The following CPAMD8 variants were observed in gnomAD, a reference collection of about 807,000 sequenced individuals.
CPAMD8 encodes C3 and PZP-like alpha-2-macroglobulin domain-containing protein 8.
CPAMD8 carries 146 observed loss-of-function variants against 224.7 expected under a neutral mutation model. The observed-to-expected ratio is 0.65, with a 90% confidence interval of 0.57 to 0.75. The LOEUF is 0.75. Ranked by LOEUF, CPAMD8 falls within the 30% of genes least tolerant of loss-of-function variation. CPAMD8 has a pLI of 0.00. For missense variants in CPAMD8, 2,301 were observed against 2,537.5 expected (o/e 0.91, Z 2.00); for synonymous variants, 966 against 1,044.6 (o/e 0.92, Z 1.45).
intron 25 of CPAMD8, among the ~76,000 whole-genome samples, chr19:16,925,777 G>A (rs1193032086): frequency 6.7e-6 from 1 of 148,552 alleles, no homozygotes; most frequent in Non-Finnish European, 1.5e-5. Flanking sequence ...TTTTTGAGAT[G>A]GAGTCTCACT....
intron 7 of CPAMD8, among the ~76,000 whole-genome samples, chr19:17,007,709 G>A (rs1048710913): frequency 6.6e-6 from 1 of 152,208 alleles, no homozygotes; most frequent in Non-Finnish European, 1.5e-5. Flanking sequence ...CCTCTCCTGG[G>A]GCATCACACC....
chr19:16,973,431 C>A (rs1389972835), intron 17 of CPAMD8, among the ~76,000 whole-genome samples: 1 of 151,782 alleles, frequency 6.6e-6, no homozygotes, highest in Non-Finnish European at 1.5e-5. Flanking sequence ...ATCACTGTAA[C>A]CTCCGCCTCC....
intron 9 of CPAMD8, 47 bp downstream of exon 9, chr19:17,002,219 A>G (rs1182541103): frequency 8.0e-7 from 1 of 1,249,710 alleles, no homozygotes; most frequent in Admixed American, 2.0e-5. Context: ...ATGGTTGGGG[A>G]AGGGGAAGGG....
At chr19:16,909,886 C>T (rs2052659697) in intron 29 of CPAMD8, among the ~76,000 whole-genome samples, 1 of 152,120 alleles carries the variant, frequency 6.6e-6, no homozygotes, top group Admixed American at 6.5e-5. Flanking sequence ...CAATCTCATA[C>T]TGTCACCCAG....
At chr19:16,923,492 C>T (rs2053249601) in intron 26 of CPAMD8, among the ~76,000 whole-genome samples, 1 of 151,992 alleles carries the variant, frequency 6.6e-6, no homozygotes, top group Non-Finnish European at 1.5e-5. Context: ...GGACCGGTGA[C>T]CAAAGAAATT....
chr19:17,006,753 G>A (rs1326703290), intron 7 of CPAMD8, among the ~76,000 whole-genome samples: 1 of 152,048 alleles, frequency 6.6e-6, no homozygotes, highest in Non-Finnish European at 1.5e-5. Context: ...CTTCTTTGTT[G>A]CTGAAAAGGA....
At chr19:16,918,274 C>T (rs1045839039) in intron 27 of CPAMD8, among the ~76,000 whole-genome samples, 7 of 152,134 alleles carry the variant, frequency 4.6e-5, no homozygotes, top group Non-Finnish European at 8.8e-5. Context: ...GGATTCCAAG[C>T]GTGAGCCACA....
At chr19:17,007,997 C>T (rs1243286996) in intron 7 of CPAMD8, among the ~76,000 whole-genome samples, 3 of 152,104 alleles carry the variant, frequency 2.0e-5, no homozygotes, top group African/African-American at 7.2e-5. Context: ...GGTGAAACCC[C>T]ATCTCTACTA....
intron 3 of CPAMD8, among the ~76,000 whole-genome samples, chr19:17,019,466 T>G (rs1186017230): frequency 6.6e-6 from 1 of 152,154 alleles, no homozygotes; most frequent in Non-Finnish European, 1.5e-5. Context: ...AGAAAATGTA[T>G]GTGCATGAAC....
rs776955939 is a variant in CPAMD8 at position 17,004,299 on chromosome 19, T to A, written c.647A>T (p.Asn216Ile). ...ATACTTCTGAACTTCAAAAGACTTG[T>A]TGTACGCGTGGCCTTGCATTTCAAC... ...IFVEMQGHAY[N>I]KSFEVQKYVL... The change falls in exon 8 of 42, where the codon AAC (asparagine) becomes ATC (isoleucine). Residue 216 changes from asparagine to isoleucine, a missense_variant. Asn to Ile is a moderately radical substitution (Grantham distance 149). Transcript: ENST00000443236. 5.0e-6 allele frequency: 8 copies of A among 1,610,378 alleles called. No individual in the cohort carries two copies. The highest frequency in any genetic ancestry group is 6.8e-6 in the Non-Finnish European group (8 of 1,176,666).
In CPAMD8 at chr19:16,902,628, C is replaced by T. The variant is rs200936834; in HGVS notation, c.4685+21G>A. The T allele has an allele frequency of 4.4e-4, 686 of 1,544,000 alleles. 4 individuals are homozygous for T. The African/African-American group carries it at 8.8e-3, about 20-fold the overall frequency. On this transcript the variant is annotated intron_variant, in intron 35 of 41. Coordinates refer to ENST00000443236, the MANE Select transcript of CPAMD8 (RefSeq NM_015692.5). ...TTGCACCCTCCTGGGATGCCCACGC[C>T]AGCAGGGCAGGTGGCCTTACCTGGT...
At chr19:16,994,467 GAC>G (rs922270733) in intron 11 of CPAMD8, among the ~76,000 whole-genome samples, 7 of 151,252 alleles carry the variant, frequency 4.6e-5, no homozygotes, top group Admixed American at 2.6e-4. Context: ...GGTATCTGGT[GAC>G]GGAGTGAACC....
chr19:16,894,590 C>G, intron 41 of CPAMD8: 2 of 418,964 alleles, frequency 4.8e-6, no homozygotes, highest in Middle Eastern at 7.7e-4. Flanking sequence ...GGACACATGG[C>G]CCAGGCCTGG....
intron 13 of CPAMD8, among the ~76,000 whole-genome samples, chr19:16,986,883 C>T (rs1045013007): frequency 2.0e-5 from 3 of 151,760 alleles, no homozygotes; most frequent in Admixed American, 6.6e-5. Context: ...TGGCCAGGCG[C>T]GGTGGCTCAC....
At position 16,946,977 on chromosome 19, in the gene CPAMD8, G is replaced by A. The variant is rs185981450; in HGVS notation, c.2662+97C>T. 1.4e-5 allele frequency: 18 copies of A among 1,298,576 alleles called. No homozygotes were observed. In the East Asian group the frequency reaches 4.4e-4, roughly 32 times the overall value. The allele number at this position is 1,298,576 out of a possible 1,614,324, so 80.4% of individuals were successfully genotyped here. A position where few individuals can be genotyped will look rare whatever the true frequency, so the allele number is the denominator to read the frequency against. On this transcript the variant is annotated intron_variant, in intron 21 of 41. Coordinates refer to ENST00000443236, the MANE Select transcript of CPAMD8 (RefSeq NM_015692.5). The stretch of plus-strand genomic sequence containing the variant: ...CCTTGGGACAGTCCTGACCTTACCT[G>A]CTGCCCCATCCACCCCTCATCCCCA...
At chr19:17,021,780 G>C (rs1324991568) in intron 2 of CPAMD8, among the ~76,000 whole-genome samples, 1 of 152,216 alleles carries the variant, frequency 6.6e-6, no homozygotes, top group East Asian at 1.9e-4. Flanking sequence ...GCTCTGCCCA[G>C]ATCTGCACCC....
chr19:16,936,827 T>C (rs918625921), intron 23 of CPAMD8, among the ~76,000 whole-genome samples: 1 of 152,244 alleles, frequency 6.6e-6, no homozygotes, highest in African/African-American at 2.4e-5. Context: ...GTCTGTAGAC[T>C]GTAGTTCCTC....
At chr19:16,928,405 T>G (rs528983111) in intron 24 of CPAMD8, among the ~76,000 whole-genome samples, 171 bp from the exon 25 acceptor site, 3 of 152,170 alleles carry the variant, frequency 2.0e-5, no homozygotes, top group Non-Finnish European at 4.4e-5. Flanking sequence ...CCCCATCCAT[T>G]AAACAGCCAA....
intron 18 of CPAMD8, among the ~76,000 whole-genome samples, chr19:16,970,542 A>G (rs2055023256): frequency 6.6e-6 from 1 of 151,728 alleles, no homozygotes; most frequent in South Asian, 2.1e-4. Flanking sequence ...CCAAGATCAC[A>G]CCACTGGGGG....
Sources: allele counts gnomAD v4.1 joint callset (sites outside exome capture counted in the v4.1 genomes callset), GRCh38; gene constraint gnomAD v4.1.1; transcripts MANE v1.5; gene names NCBI Gene and HGNC (gene_info 2026-07-23, HGNC 2026-07-21).